TRIM24: variants seen among roughly 807,000 people sequenced by gnomAD.
The protein encoded by TRIM24 is tripartite motif containing 24, also known as transcription intermediary factor 1-alpha.
Under a neutral mutation model 123.9 loss-of-function variants are expected in TRIM24, and 29 were observed. The observed-to-expected ratio is 0.23, with a 90% CI of 0.17 to 0.32. The LOEUF (loss-of-function observed/expected upper bound fraction) is 0.32. TRIM24 is among the 10% of genes least tolerant of loss of function. TRIM24 has a pLI of 1.00. For synonymous variants in TRIM24, 456 were observed against 461.1 expected (o/e 0.99, Z 0.14); for missense variants, 932 against 1,295.3 (o/e 0.72, Z 4.31).
intron 17 of TRIM24, among the ~76,000 whole-genome samples, chr7:138,581,998 T>TTTAC (rs1260901735): frequency 1.3e-5 from 2 of 152,216 alleles, no homozygotes; most frequent in Non-Finnish European, 2.9e-5. Context: ...TCTCATCTAT[T>TTTAC]TTACTTACCA....
At chr7:138,522,055 G>A (rs759535513) in intron 4 of TRIM24, among the ~76,000 whole-genome samples, 1 of 152,102 alleles carries the variant, frequency 6.6e-6, no homozygotes, top group Non-Finnish European at 1.5e-5. Flanking sequence ...CAGGTGGGAG[G>A]ATGGCTGAAG....
At chr7:138,516,319 A>G (rs1796394699) in intron 3 of TRIM24, among the ~76,000 whole-genome samples, 1 of 152,088 alleles carries the variant, frequency 6.6e-6, no homozygotes, top group Non-Finnish European at 1.5e-5. Context: ...AATAATAATA[A>G]TAATAACTCC....
At chr7:138,533,460 C>T (rs145388106) in intron 6 of TRIM24, among the ~76,000 whole-genome samples, 3,596 of 152,288 alleles carry the variant, frequency 0.024, 140 homozygotes, top group African/African-American at 0.082. Flanking sequence ...TTTCCTGCAT[C>T]TATTGAGATA....
chr7:138,473,364 A>G (rs1310538154), intron 1 of TRIM24, among the ~76,000 whole-genome samples: 1 of 152,234 alleles, frequency 6.6e-6, no homozygotes, highest in Non-Finnish European at 1.5e-5. Flanking sequence ...ATGCAGACTG[A>G]TGCATCATTT....
intron 4 of TRIM24, among the ~76,000 whole-genome samples, chr7:138,522,750 TAA>T (rs1247587959): frequency 6.6e-6 from 1 of 152,154 alleles, no homozygotes; most frequent in African/African-American, 2.4e-5. Flanking sequence ...GGAGGCAAAC[TAA>T]AAATTGATTA....
At chr7:138,527,968 T>C (rs552633657) in intron 5 of TRIM24, among the ~76,000 whole-genome samples, 2 of 152,308 alleles carry the variant, frequency 1.3e-5, no homozygotes, top group Non-Finnish European at 2.9e-5. Context: ...TGGGCTAGTT[T>C]GAAACAAGCT....
chr7:138,571,360 GTTGT>G (rs1375405569), intron 11 of TRIM24, among the ~76,000 whole-genome samples: 4 of 152,256 alleles, frequency 2.6e-5, no homozygotes, highest in Admixed American at 1.3e-4. Context: ...TGGATTATAG[GTTGT>G]TTGTTTTTAC....
chr7:138,532,557 G>A (rs1796770477), intron 6 of TRIM24, among the ~76,000 whole-genome samples: 1 of 152,238 alleles, frequency 6.6e-6, no homozygotes, highest in African/African-American at 2.4e-5. Context: ...GCTCTGTTCT[G>A]TTCCAAAGGT....
Position 138,462,526 on chromosome 7 carries a change from G to A in TRIM24, c.364+1614G>A, listed in dbSNP as rs185680323. On this transcript the variant is annotated intron_variant, in intron 1 of 18. Coordinates refer to ENST00000343526, the MANE Select transcript of TRIM24 (RefSeq NM_015905.3). ...CGGCTAATTTTTTGTATTTTTAGTA[G>A]AGACGGGGTTTCACCGTGTTAGCCA... 1.5e-4 allele frequency among the ~76,000 whole-genome samples: 23 copies of A among 151,486 alleles called. No homozygotes were observed. The East Asian group carries it at 4.5e-3, about 30-fold the overall frequency.
Position 138,585,325 on chromosome 7 carries a change from A to T in TRIM24, c.*374A>T, listed in dbSNP as rs1797992047. ...TTTGTATGAACTCTTTAAGTTGAAA[A>T]GTAAAAAATATATGTGGTTTGGATG... On this transcript the variant is annotated 3_prime_UTR_variant, in exon 19 of 19. Transcript: ENST00000343526. 1 of 239,836 alleles carries T rather than the reference A, an allele frequency of 4.2e-6. No individual in the cohort carries two copies. Among genetic ancestry groups the T allele is most frequent in the Non-Finnish European group, 8.1e-6 (1 of 123,314 alleles). 14.9% of individuals were successfully genotyped at this position (239,836 alleles called of 1,614,324 possible).
chr7:138,554,389 TAAAATATCAA>T lies in TRIM24; in HGVS notation c.1262-303_1262-294del, dbSNP rs1797274648. Among the ~76,000 whole-genome samples the T allele has an allele frequency of 6.6e-6, 1 of 152,218 alleles. No homozygotes were observed. On this transcript the variant is annotated intron_variant, in intron 8 of 18. Transcript: ENST00000343526. The surrounding 1 kb of genome is among the most constrained non-coding windows in gnomAD (Gnocchi z 4.5). ...TTTTTTAAAACATCAAACAGTATTTTAAAATATCAAAAAATGTTTACCAAATATTTTACAA... is the reference window on the plus strand; with the variant it reads ...TTTTTTAAAACATCAAACAGTATTTTAAAATGTTTACCAAATATTTTACAA...
intron 1 of TRIM24, among the ~76,000 whole-genome samples, chr7:138,463,988 A>ATTTTTTTTTTTTTTTTTTTTTTTT (rs1359459460): frequency 9.3e-5 from 3 of 32,110 alleles, no homozygotes; most frequent in African/African-American, 1.3e-4. Context: ...AAAAATTTAG[A>ATTTTTTTTTTTTTTTTTTTTTTTT]CTTTTTTTTT....
intron 18 of TRIM24, 112 bp downstream of exon 18, chr7:138,584,111 C>T: frequency 7.9e-7 from 1 of 1,262,658 alleles, no homozygotes; most frequent in Non-Finnish European, 1.1e-6. Flanking sequence ...GAATAAATTT[C>T]CAACTTTTCA....
intron 1 of TRIM24, among the ~76,000 whole-genome samples, chr7:138,464,424 G>A (rs866763455): frequency 4.0e-4 from 61 of 152,120 alleles, no homozygotes; most frequent in Middle Eastern, 3.4e-3. Context: ...TAAATAGGTA[G>A]TTGGGATGGA....
chr7:138,566,821 A>G (rs940017592), intron 9 of TRIM24, among the ~76,000 whole-genome samples: 3 of 152,216 alleles, frequency 2.0e-5, no homozygotes, highest in Non-Finnish European at 4.4e-5. Flanking sequence ...TGTTACTAAT[A>G]TCAACTATTT....
At chr7:138,508,726 T>TGC (rs1186010944) in intron 2 of TRIM24, among the ~76,000 whole-genome samples, 4 of 148,954 alleles carry the variant, frequency 2.7e-5, no homozygotes, top group Non-Finnish European at 5.9e-5. Flanking sequence ...TGTGCGTGTG[T>TGC]GTGTGTGTGT....
chr7:138,502,348 G>A (rs1480686108), intron 1 of TRIM24, among the ~76,000 whole-genome samples: 1 of 152,188 alleles, frequency 6.6e-6, no homozygotes, highest in East Asian at 1.9e-4. Context: ...GGAATATTGA[G>A]CACACTAACT....
intron 1 of TRIM24, among the ~76,000 whole-genome samples, chr7:138,462,891 C>T (rs950615928): frequency 1.5e-4 from 23 of 150,148 alleles, no homozygotes; most frequent in African/African-American, 7.3e-5. Flanking sequence ...TTTTTTGAGA[C>T]GGAGTCTCGC....
intron 2 of TRIM24, among the ~76,000 whole-genome samples, chr7:138,510,006 A>G (rs6969993): frequency 0.97 from 147,546 of 152,260 alleles, 71,530 homozygotes; most frequent in East Asian, 1. Flanking sequence ...CTCTGAAGTG[A>G]ATTACAGTAA....
Sources: gnomAD v4.1 joint callset for allele counts (sites outside exome capture counted in the v4.1 genomes callset) on GRCh38, gnomAD v4.1.1 for gene constraint, Gnocchi (gnomAD v3.1) non-coding constraint, MANE v1.5 for transcripts, NCBI Gene and HGNC (gene_info 2026-07-23, HGNC 2026-07-21) for gene names.